DAB2IP: variants seen among roughly 807,000 people sequenced by gnomAD.
The protein encoded by DAB2IP is DAB2 interacting protein.
DAB2IP carries 28 observed loss-of-function variants against 107.2 expected under a neutral mutation model. That is an observed-to-expected ratio of 0.26 (90% CI 0.19 to 0.36). DAB2IP has a LOEUF of 0.36. Ranked by LOEUF, DAB2IP falls within the 10% of genes least tolerant of loss-of-function variation. The pLI is 1.00. For missense variants in DAB2IP, 1,400 were observed against 1,644.7 expected (o/e 0.85, Z 2.57); for synonymous variants, 755 against 706.4 (o/e 1.07, Z -1.09).
intron 1 of DAB2IP, among the ~76,000 whole-genome samples, chr9:121,653,811 C>G (rs574524217): frequency 6.6e-6 from 1 of 152,290 alleles, no homozygotes; most frequent in Admixed American, 6.5e-5. Context: ...GCCCCAGCTC[C>G]CAGACCCCAC....
intron 2 of DAB2IP, among the ~76,000 whole-genome samples, chr9:121,697,998 G>A (rs554572488): frequency 1.3e-5 from 2 of 152,180 alleles, no homozygotes; most frequent in Non-Finnish European, 2.9e-5. Flanking sequence ...GACATGAGAT[G>A]ACTTGTACAG....
chr9:121,758,057 G>C (rs528097746), intron 4 of DAB2IP, among the ~76,000 whole-genome samples: 3 of 152,246 alleles, frequency 2.0e-5, no homozygotes, highest in African/African-American at 7.2e-5. Flanking sequence ...TCTGGGTTCT[G>C]ACTTCCTTGC....
At chr9:121,668,856 T>C in intron 1 of DAB2IP, among the ~76,000 whole-genome samples, 1 of 150,534 alleles carries the variant, frequency 6.6e-6, no homozygotes, top group East Asian at 1.9e-4. Flanking sequence ...ATCATATTAA[T>C]CACATAGACA....
intron 2 of DAB2IP, among the ~76,000 whole-genome samples, chr9:121,687,618 ACGATGGGGGAT>A (rs1828946996): frequency 1.3e-5 from 2 of 152,318 alleles, no homozygotes; most frequent in Admixed American, 6.5e-5. Context: ...TGCTGTCTGT[ACGATGGGGGAT>A]TTTGAATCCT....
chr9:121,580,662 T>C (rs1830170405), intron 1 of DAB2IP, among the ~76,000 whole-genome samples: 1 of 151,996 alleles, frequency 6.6e-6, no homozygotes, highest in Admixed American at 6.6e-5. Context: ...TCTCGCTCTG[T>C]TGCCCAGGCT....
At chr9:121,704,529 G>C (rs879276870) in intron 3 of DAB2IP, among the ~76,000 whole-genome samples, 4 of 152,092 alleles carry the variant, frequency 2.6e-5, no homozygotes, top group Non-Finnish European at 4.4e-5. Flanking sequence ...CAGGATTCTT[G>C]GTTGCCCTGT....
At chr9:121,694,500 T>C (rs1250838984) in intron 2 of DAB2IP, among the ~76,000 whole-genome samples, 1 of 152,056 alleles carries the variant, frequency 6.6e-6, no homozygotes, top group African/African-American at 2.4e-5. Flanking sequence ...AATGAAGAAA[T>C]CACGTGTCTT....
intron 3 of DAB2IP, among the ~76,000 whole-genome samples, chr9:121,735,306 C>G (rs1390555950): frequency 6.6e-6 from 1 of 152,140 alleles, no homozygotes; most frequent in Non-Finnish European, 1.5e-5. Flanking sequence ...TAGGGCCCAG[C>G]AGGGGATGGA....
At chr9:121,597,678 C>T (rs540628765) in intron 1 of DAB2IP, among the ~76,000 whole-genome samples, 1 of 152,272 alleles carries the variant, frequency 6.6e-6, no homozygotes, top group East Asian at 1.9e-4. Flanking sequence ...TCTTGGAGTT[C>T]TAAAACTCCC....
intron 2 of DAB2IP, among the ~76,000 whole-genome samples, chr9:121,681,096 C>G (rs1333576056): frequency 1.3e-5 from 2 of 152,116 alleles, no homozygotes; most frequent in African/African-American, 2.4e-5. Flanking sequence ...CATTGGTTAC[C>G]CCATTTCCCA....
chr9:121,580,183 G>T (rs1830159131), intron 1 of DAB2IP, among the ~76,000 whole-genome samples: 1 of 152,148 alleles, frequency 6.6e-6, no homozygotes, highest in Non-Finnish European at 1.5e-5. Flanking sequence ...CCCTGCCCAG[G>T]TTCACTTCTT....
chr9:121,573,976 T>C (rs929757191), intron 1 of DAB2IP, among the ~76,000 whole-genome samples: 9 of 152,098 alleles, frequency 5.9e-5, no homozygotes, highest in African/African-American at 2.2e-4. Flanking sequence ...GCAGGAGCCA[T>C]GTCAGCTCAG....
At chr9:121,719,858 C>T (rs13287585) in intron 3 of DAB2IP, among the ~76,000 whole-genome samples, 16,604 of 152,216 alleles carry the variant, frequency 0.11, 1,171 homozygotes, top group African/African-American at 0.19. Context: ...CTGGTGGCCA[C>T]CACCTGTTTG....
In DAB2IP at chr9:121,635,305, C is replaced by A. The variant is rs929099378; in HGVS notation, c.41-43373C>A. On this transcript the variant is annotated intron_variant, in intron 1 of 16. Coordinates refer to the DAB2IP transcript ENST00000259371. The surrounding 1 kb of genome is among the most constrained non-coding windows in gnomAD (Gnocchi z 4.3). ...AATTTCCAGGCTCTTTCAGACCCCC[C>A]ACAAACTCATTTCAGTCTCCAACAT... Among the ~76,000 whole-genome samples the A allele has an allele frequency of 6.6e-6, 1 of 152,168 alleles. No homozygotes were observed. The highest frequency in any genetic ancestry group is 2.4e-5 in the African/African-American group (1 of 41,440).
chr9:121,769,328 C>T (rs997054985), intron 10 of DAB2IP, among the ~76,000 whole-genome samples: 1 of 152,238 alleles, frequency 6.6e-6, no homozygotes, highest in Non-Finnish European at 1.5e-5. Context: ...TGGTATGCAG[C>T]CTTCTGGACA....
In DAB2IP at chr9:121,630,267, A is replaced by G. The variant is rs966147467; in HGVS notation, c.41-48411A>G. Among the ~76,000 whole-genome samples the G allele has an allele frequency of 5.9e-5, 9 of 152,344 alleles. 1 individual carries two copies. On this transcript the variant is annotated intron_variant, in intron 1 of 16. Transcript: ENST00000259371. Reference sequence around the variant, plus strand: ...AATAAAGAAGCACATATATTGCTATAGCATTAAAAATATTTCGGGAGGTGG... The same window carrying G: ...AATAAAGAAGCACATATATTGCTATGGCATTAAAAATATTTCGGGAGGTGG...
At chr9:121,622,607 G>A (rs533188770) in intron 1 of DAB2IP, among the ~76,000 whole-genome samples, 6 of 152,266 alleles carry the variant, frequency 3.9e-5, no homozygotes, top group Non-Finnish European at 7.4e-5. Context: ...TCTCTCTCTC[G>A]GGAGGTAAGA....
At chr9:121,765,437 G>A (rs1050624267) in intron 8 of DAB2IP, among the ~76,000 whole-genome samples, 1 of 152,230 alleles carries the variant, frequency 6.6e-6, no homozygotes, top group African/African-American at 2.4e-5. Flanking sequence ...GCCCTTGATG[G>A]GTCAGCCAGC....
At chr9:121,689,762 C>G (rs75732590) in intron 2 of DAB2IP, among the ~76,000 whole-genome samples, 8 of 152,236 alleles carry the variant, frequency 5.3e-5, no homozygotes, top group African/African-American at 1.2e-4. Context: ...AGACTCCCCC[C>G]CCATGTGTTG....
Sources: gnomAD v4.1 joint callset for allele counts (sites outside exome capture counted in the v4.1 genomes callset) on GRCh38, gnomAD v4.1.1 for gene constraint, Gnocchi (gnomAD v3.1) non-coding constraint, MANE v1.5 for transcripts, NCBI Gene and HGNC (gene_info 2026-07-23, HGNC 2026-07-21) for gene names.